Variants in ARID4A observed in about 807,000 individuals in gnomAD.
The protein encoded by ARID4A is AT-rich interactive domain-containing protein 4A.
ARID4A carries 39 observed loss-of-function variants against 148.6 expected under a neutral mutation model. The ratio of observed to expected loss-of-function variants is 0.26; its 90% CI spans 0.20 to 0.34. The LOEUF (loss-of-function observed/expected upper bound fraction) is 0.34. Among genes scored for constraint, ARID4A ranks in the 10% least tolerant of loss-of-function variants. The pLI is 1.00. For missense variants in ARID4A, 1,265 were observed against 1,449.1 expected (o/e 0.87, Z 2.06); for synonymous variants, 475 against 481.2 (o/e 0.99, Z 0.17).
intron 5 of ARID4A, among the ~76,000 whole-genome samples, chr14:58,310,774 C>T (rs1175563755): frequency 2.7e-5 from 4 of 150,580 alleles, no homozygotes; most frequent in African/African-American, 7.3e-5. Context: ...AACTAGACAC[C>T]TGGGATTACA....
chr14:58,348,745 GT>G (rs1403437904), intron 15 of ARID4A, among the ~76,000 whole-genome samples: 18 of 152,244 alleles, frequency 1.2e-4, no homozygotes, highest in Admixed American at 3.3e-4. Flanking sequence ...TTGTCTTATA[GT>G]TCAGAAACCA....
At chr14:58,323,720 T>C in intron 8 of ARID4A, 103 bp downstream of exon 8, 1 of 974,892 alleles carries the variant, frequency 1.0e-6, no homozygotes, top group Non-Finnish European at 1.5e-6. Context: ...TAAACAAATT[T>C]GGACTTTATT....
chr14:58,365,486 T>TTTC, intron 20 of ARID4A, 32 bp from the exon 21 acceptor site: 1 of 1,275,786 alleles, frequency 7.8e-7, no homozygotes, highest in East Asian at 2.5e-5. Flanking sequence ...TTTTTTTTTT[T>TTTC]TTTCAACATT....
intron 13 of ARID4A, 32 bp downstream of exon 13, chr14:58,346,537 T>C: frequency 6.8e-7 from 1 of 1,463,154 alleles, no homozygotes; most frequent in South Asian, 1.2e-5. Flanking sequence ...GAAACATGTA[T>C]TGATGTGGTA....
chr14:58,330,124 T>A lies in ARID4A; in HGVS notation c.861T>A (p.Asn287Lys). Residue 287 changes from asparagine (N) to lysine (K), a missense_variant, in exon 11 of 24, where the codon AAT becomes AAA. Coordinates refer to ENST00000355431, the MANE Select transcript of ARID4A (RefSeq NM_002892.4). The part of the protein sequence containing the change: ...SDDEDGPAEE[N>K]DEEKEKEAKK... ...ATGAAGATGGCCCAGCTGAAGAAAA[T>A]GATGAAGAGAAGGAAAAGGAGGCCA... 1 of 1,612,930 alleles carries A rather than the reference T, an allele frequency of 6.2e-7. No individual in the cohort carries two copies.
chr14:58,364,493 C>A lies in ARID4A; in HGVS notation c.2404C>A (p.Leu802Ile). ...GKGRRSKTKD[L>I]SLEIIKISSF... is the part of the protein sequence containing the mutation. ...GGGAAGACGAAGCAAGACAAAAGAT[C>A]TTTCTTTAGAAATTATAAAGATTTC... The change falls in exon 20 of 24, where the codon CTT becomes ATT. Residue 802 changes from leucine to isoleucine, a missense_variant. Leu to Ile is a conservative substitution (Grantham distance 5). Coordinates refer to ENST00000355431, the MANE Select transcript of ARID4A (RefSeq NM_002892.4). The A allele has an allele frequency of 8.7e-6, 14 of 1,612,328 alleles. No homozygotes were observed. The South Asian group carries it at 1.3e-4, about 15-fold the overall frequency.
Position 58,344,836 on chromosome 14 carries a change from G to C in ARID4A, c.979+69G>C, listed in dbSNP as rs186386545. 3.5e-6 allele frequency: 4 copies of C among 1,127,292 alleles called. No individual in the cohort carries two copies. In the East Asian group the frequency reaches 9.7e-5, roughly 27 times the overall value. The allele number at this position is 1,127,292 out of a possible 1,614,324, so 69.8% of individuals were successfully genotyped here. ...TGTTTACATTCTAGGTATATGCATTGTTTTTGTTAGTATTGCAGATAAACA... is the reference window on the plus strand; with the variant it reads ...TGTTTACATTCTAGGTATATGCATTCTTTTTGTTAGTATTGCAGATAAACA... On this transcript the variant is annotated intron_variant, in intron 12 of 23. Coordinates refer to ENST00000355431, the MANE Select transcript of ARID4A (RefSeq NM_002892.4).
chr14:58,341,686 A>G (rs1018557753), intron 11 of ARID4A, among the ~76,000 whole-genome samples: 15 of 152,226 alleles, frequency 9.9e-5, no homozygotes, highest in African/African-American at 3.6e-4. Context: ...ATCTGAAGAC[A>G]TGTGCCTAAA....
chr14:58,332,591 T>C (rs1035832330), intron 11 of ARID4A, among the ~76,000 whole-genome samples: 8 of 152,132 alleles, frequency 5.3e-5, no homozygotes, highest in Non-Finnish European at 1.0e-4. Context: ...TGTAATATAC[T>C]GATAAACTGA....
chr14:58,308,591 G>A (rs2031784694), intron 5 of ARID4A, among the ~76,000 whole-genome samples: 1 of 152,190 alleles, frequency 6.6e-6, no homozygotes, highest in South Asian at 2.1e-4. Flanking sequence ...ATTGAAGGAA[G>A]TGGATCACAT....
At chr14:58,348,653 T>C (rs912714620) in intron 15 of ARID4A, among the ~76,000 whole-genome samples, 1 of 152,230 alleles carries the variant, frequency 6.6e-6, no homozygotes, top group Non-Finnish European at 1.5e-5. Context: ...GAAAGGAATT[T>C]ACCACACTAT....
At chr14:58,323,927 T>C (rs924096608) in intron 8 of ARID4A, among the ~76,000 whole-genome samples, 9 of 135,002 alleles carry the variant, frequency 6.7e-5, no homozygotes, top group African/African-American at 1.1e-4. Context: ...TTTTTTGAGA[T>C]GGAGTCTCGC....
chr14:58,311,011 C>T (rs988894911), intron 5 of ARID4A, among the ~76,000 whole-genome samples: 9 of 151,984 alleles, frequency 5.9e-5, no homozygotes, highest in Non-Finnish European at 8.8e-5. Context: ...TTTGGGAGGC[C>T]GAGACAGGTG....
At position 58,313,718 on chromosome 14, in the gene ARID4A, C is replaced by T. The variant is rs147332083; in HGVS notation, c.275-4824C>T. Among the ~76,000 whole-genome samples the T allele has an allele frequency of 1.6e-3, 248 of 152,300 alleles. 1 individual carries two copies. The highest frequency in any genetic ancestry group is 2.1e-3 in the Non-Finnish European group (146 of 68,030). On this transcript the variant is annotated intron_variant, in intron 5 of 23. Coordinates refer to ENST00000355431, the MANE Select transcript of ARID4A (RefSeq NM_002892.4). ...GGAAGCTGAGGATATAATTCTTAGT[C>T]CCAGGCCAAAGCCTTGAGAAGATCT...
At chr14:58,338,294 T>A (rs983543585) in intron 11 of ARID4A, among the ~76,000 whole-genome samples, 1 of 152,142 alleles carries the variant, frequency 6.6e-6, no homozygotes, top group Non-Finnish European at 1.5e-5. Context: ...TTCACATTTT[T>A]AAAAAATCAC....
intron 5 of ARID4A, among the ~76,000 whole-genome samples, chr14:58,314,058 A>G (rs188438612): frequency 2.6e-4 from 39 of 152,358 alleles, no homozygotes; most frequent in Non-Finnish European, 1.3e-4. Flanking sequence ...AATACCTAAC[A>G]TAGTAACAGA....
intron 16 of ARID4A, 67 bp from the exon 17 acceptor site, chr14:58,353,591 T>A: frequency 7.2e-7 from 1 of 1,389,670 alleles, no homozygotes; most frequent in South Asian, 1.2e-5. Context: ...ACCTGTTGGA[T>A]TCTTTTAGCA....
intron 8 of ARID4A, among the ~76,000 whole-genome samples, chr14:58,326,520 GA>G (rs2140183212): frequency 6.6e-6 from 1 of 152,314 alleles, no homozygotes; most frequent in South Asian, 2.1e-4. Flanking sequence ...GCGAGTGGGG[GA>G]ATAATAGGAA....
intron 11 of ARID4A, among the ~76,000 whole-genome samples, chr14:58,343,332 T>C (rs2140224853): frequency 6.6e-6 from 1 of 152,360 alleles, no homozygotes; most frequent in South Asian, 2.1e-4. Context: ...ACTAAAATAA[T>C]GTAATAAAAG....
Sources: gnomAD v4.1 joint callset for allele counts (sites outside exome capture counted in the v4.1 genomes callset) on GRCh38, gnomAD v4.1.1 for gene constraint, MANE v1.5 for transcripts, NCBI Gene and HGNC (gene_info 2026-07-23, HGNC 2026-07-21) for gene names.